The following PXDN variants were observed in gnomAD, a reference collection of about 807,000 sequenced individuals.
The protein encoded by PXDN is peroxidasin, also known as peroxidasin homolog.
In PXDN, 77 loss-of-function variants were observed where a neutral mutation model predicts 140.3. The observed-to-expected ratio is 0.55, with a 90% CI of 0.46 to 0.66. The LOEUF is 0.66. PXDN is among the 30% of genes least tolerant of loss of function. The pLI, the probability that PXDN is intolerant of heterozygous loss-of-function variation, is 0.00. For missense variants in PXDN, 1,838 were observed against 2,039.5 expected, an observed-to-expected ratio of 0.90 and a Z score of 1.90; for synonymous variants, 911 against 857.4, an observed-to-expected ratio of 1.06 and a Z score of -1.09.
chr2:1,729,036 C>G (rs1685254301), intron 1 of PXDN, among the ~76,000 whole-genome samples: 1 of 152,070 alleles, frequency 6.6e-6, no homozygotes, highest in Middle Eastern at 3.4e-3. Context: ...GTGCGGGGCC[C>G]GGTGTGACTA....
intron 7 of PXDN, among the ~76,000 whole-genome samples, chr2:1,679,087 CATGTGT>C (rs1338036712): frequency 9.0e-6 from 1 of 110,754 alleles, no homozygotes; most frequent in Non-Finnish European, 1.8e-5. Context: ...TATGTGCATG[CATGTGT>C]GTGTGTGTGT....
In PXDN at chr2:1,655,919, G is replaced by A. The variant is rs115422961; in HGVS notation, c.1838-1411C>T. ...TACACACGACACACACATCACATTA[G>A]ACACACATACACACCACACAAATAC... is the stretch of plus-strand genomic sequence containing the variant. On this transcript the variant is annotated intron_variant, in intron 14 of 22. Coordinates refer to ENST00000252804, the MANE Select transcript of PXDN (RefSeq NM_012293.3). Among the ~76,000 whole-genome samples the A allele has an allele frequency of 4.6e-3, 699 of 150,746 alleles. 4 individuals carry two copies. The highest frequency in any genetic ancestry group is 8.0e-3 in the Non-Finnish European group (544 of 67,696).
Position 1,639,342 on chromosome 2 carries a change from C to T in PXDN, c.4033G>A (p.Asp1345Asn), listed in dbSNP as rs1682658441. Residue 1345 changes from aspartate (D) to asparagine (N), a missense_variant, in exon 20 of 23, where the codon GAC becomes AAC. Physicochemically the swap from Asp to Asn is conservative, Grantham distance 23. Coordinates refer to ENST00000252804, the MANE Select transcript of PXDN (RefSeq NM_012293.3). The surrounding 1 kb of genome is among the most constrained non-coding windows in gnomAD (Gnocchi z 5.0). ...RRSLEFSYQE[D>N]KPTKKTRPRK... is the part of the protein sequence containing the mutation. The stretch of plus-strand genomic sequence containing the variant: ...GGTCTTGTTTTCTTGGTCGGCTTGT[C>T]CTCCTGGTAGCTGAACTCAAGAGAC... 3 of 1,614,000 alleles carry T rather than the reference C, an allele frequency of 1.9e-6. No homozygotes were observed. The East Asian group carries it at 6.7e-5, about 36-fold the overall frequency.
chr2:1,649,568 G>A lies in PXDN; in HGVS notation c.2212C>T (p.His738Tyr). The stretch of plus-strand genomic sequence containing the variant: ...CCGTCGTGCGTCCGGTACTTCTGGT[G>A]GAAGCACATGTCCGAGCAGTTGTTC... ...RVNNCSDMCF[H>Y]QKYRTHDGTC... Residue 738 changes from histidine to tyrosine, a missense_variant, in exon 17 of 23, where the codon CAC (histidine) becomes TAC (tyrosine). This residue lies in a region of PXDN where 537 missense variants were observed against 583.9 expected (regional missense o/e 0.92). Transcript: ENST00000252804. The surrounding 1 kb of genome is among the most constrained non-coding windows in gnomAD (Gnocchi z 7.1). 2 of 1,614,044 alleles carry A rather than the reference G, an allele frequency of 1.2e-6. No individual in the cohort carries two copies. Among genetic ancestry groups the A allele is most frequent in the Non-Finnish European group, 1.7e-6 (2 of 1,179,900 alleles).
chr2:1,726,568 T>G (rs1162152000), intron 1 of PXDN, among the ~76,000 whole-genome samples: 1 of 152,100 alleles, frequency 6.6e-6, no homozygotes, highest in Non-Finnish European at 1.5e-5. Flanking sequence ...ACCCTAAAAC[T>G]TAAAGTATAA....
rs551864822 is a variant in PXDN at position 1,680,335 on chromosome 2, G to A, written c.588C>T (p.Cys196=). 9.3e-6 allele frequency: 15 copies of A among 1,614,002 alleles called. No homozygotes were observed. Among genetic ancestry groups the A allele is most frequent in the East Asian group, 4.5e-5 (2 of 44,878 alleles). ...RLRLDSNTLH[C]DCEILWLADL... is the part of the protein sequence containing the mutation. ...CCGCCAACCACAGGATTTCACAGTC[G>A]CAGTGAAGTGTGTTTGAGTCCAGTC... Residue 196 remains cysteine, a synonymous_variant, in exon 7 of 23, where the codon TGC becomes TGT. Transcript: ENST00000252804.
chr2:1,726,178 CA>C (rs1169469568), intron 1 of PXDN, among the ~76,000 whole-genome samples: 1 of 151,826 alleles, frequency 6.6e-6, no homozygotes, highest in African/African-American at 2.4e-5. Flanking sequence ...GGAACCAACC[CA>C]AATGTCCAAC....
chr2:1,647,951 C>T (rs1302734463), intron 17 of PXDN, among the ~76,000 whole-genome samples: 1 of 151,986 alleles, frequency 6.6e-6, no homozygotes, highest in African/African-American at 2.4e-5. Context: ...GTGGAAGGGC[C>T]CTCCACCGTC....
At chr2:1,717,651 T>C (rs915200156) in intron 1 of PXDN, among the ~76,000 whole-genome samples, 11 of 152,174 alleles carry the variant, frequency 7.2e-5, no homozygotes, top group South Asian at 4.1e-4. Flanking sequence ...ATCCTGAGCC[T>C]GGAACCACAT....
At chr2:1,655,647 C>T (rs1330312383) in intron 14 of PXDN, among the ~76,000 whole-genome samples, 1 of 151,236 alleles carries the variant, frequency 6.6e-6, no homozygotes, top group Non-Finnish European at 1.5e-5. Context: ...CAGGAACCTG[C>T]CTTCTCCTGA....
At chr2:1,653,911 T>C (rs1009413104) in intron 15 of PXDN, 126 bp from the exon 16 acceptor site, 1 of 1,162,854 alleles carries the variant, frequency 8.6e-7, no homozygotes, top group Admixed American at 3.1e-5. Flanking sequence ...CATAATGTAC[T>C]ATACCTTCCT....
chr2:1,650,436 C>T (rs1443666271), intron 16 of PXDN, among the ~76,000 whole-genome samples: 1 of 152,220 alleles, frequency 6.6e-6, no homozygotes, highest in Non-Finnish European at 1.5e-5. Flanking sequence ...CCACTAGCTA[C>T]AGAAGAAATT....
At chr2:1,701,165 C>CT (rs1453123486) in intron 1 of PXDN, among the ~76,000 whole-genome samples, 1 of 152,134 alleles carries the variant, frequency 6.6e-6, no homozygotes, top group Non-Finnish European at 1.5e-5. Context: ...TTTGCCTGAC[C>CT]TAAAATCGCT....
At position 1,666,348 on chromosome 2, in the gene PXDN, T is replaced by C; in HGVS notation, c.1157A>G (p.Asp386Gly). ...AGAAGGCGTGATGTTCACCCGCGGG[T>C]CAACTGGCAAGGGTGTGCGGTCACC... ...TRGDRTPLPV[D>G]PRVNITPSGG... is the part of the protein sequence containing the mutation. The change falls in exon 10 of 23, where the codon GAC (aspartate) becomes GGC (glycine). Residue 386 changes from aspartate to glycine, a missense_variant. Coordinates refer to ENST00000252804, the MANE Select transcript of PXDN (RefSeq NM_012293.3). The C allele has an allele frequency of 6.2e-7, 1 of 1,613,938 alleles. No individual in the cohort carries two copies. Among genetic ancestry groups the C allele is most frequent in the Non-Finnish European group, 8.5e-7 (1 of 1,179,874 alleles).
intron 1 of PXDN, among the ~76,000 whole-genome samples, chr2:1,738,506 C>A (rs1685467800): frequency 6.6e-6 from 1 of 151,994 alleles, no homozygotes; most frequent in South Asian, 2.1e-4. Flanking sequence ...GTATTTATCT[C>A]ATAATAAGCC....
rs1311934749 is a variant in PXDN at position 1,662,179 on chromosome 2, G to A, written c.1573C>T (p.Pro525Ser). The A allele has an allele frequency of 1.3e-6, 2 of 1,584,110 alleles. No individual in the cohort carries two copies. Among genetic ancestry groups the A allele is most frequent in the Non-Finnish European group, 1.7e-6 (2 of 1,164,614 alleles). Residue 525 changes from proline to serine, a missense_variant, in exon 13 of 23, where the codon CCA becomes TCA. This residue lies in a region of PXDN where 537 missense variants were observed against 583.9 expected (regional missense o/e 0.92). Transcript: ENST00000252804. Reference sequence around the variant, plus strand: ...TCGCTGGGAATGCTGGCAAACACTGGGGTGACTGGAAGGCAGATGTAGAGA... The same window carrying A: ...TCGCTGGGAATGCTGGCAAACACTGAGGTGACTGGAAGGCAGATGTAGAGA... ...AHLTVQPRVT[P>S]VFASIPSDTT...
chr2:1,709,459 G>C (rs989648103), intron 1 of PXDN, among the ~76,000 whole-genome samples: 11 of 143,106 alleles, frequency 7.7e-5, no homozygotes, highest in African/African-American at 2.7e-4. Flanking sequence ...AGCGGGGCTG[G>C]GGTGCAGCGG....
chr2:1,674,524 C>CTTG (rs1683651962), intron 8 of PXDN, among the ~76,000 whole-genome samples: 3 of 152,200 alleles, frequency 2.0e-5, no homozygotes, highest in African/African-American at 7.2e-5. Flanking sequence ...AAGGACCTCC[C>CTTG]CTGGGGCCAT....
intron 1 of PXDN, among the ~76,000 whole-genome samples, chr2:1,696,571 A>C (rs915711018): frequency 6.6e-6 from 1 of 152,242 alleles, no homozygotes; most frequent in African/African-American, 2.4e-5. Flanking sequence ...GGAGCTACTC[A>C]ACATTAGAAA....
Sources: allele counts gnomAD v4.1 joint callset (sites outside exome capture counted in the v4.1 genomes callset), GRCh38; gene constraint gnomAD v4.1.1; regional missense constraint gnomAD v4.1.1; non-coding constraint Gnocchi (gnomAD v3.1); transcripts MANE v1.5; gene names NCBI Gene and HGNC (gene_info 2026-07-23, HGNC 2026-07-21).